Variants in KAZN observed in about 807,000 individuals in gnomAD.
KAZN encodes the protein kazrin.
Under a neutral mutation model 87.4 loss-of-function variants are expected in KAZN, and 40 were observed. The ratio of observed to expected loss-of-function variants is 0.46; its 90% confidence interval spans 0.36 to 0.60. KAZN has a LOEUF of 0.60. Ranked by LOEUF, KAZN falls within the 20% of genes least tolerant of loss-of-function variation. The pLI is 0.00. For synonymous variants in KAZN, 466 were observed against 458.3 expected (o/e 1.02, Z -0.22); for missense variants, 898 against 1,073.9 (o/e 0.84, Z 2.29).
intron 1 of KAZN, among the ~76,000 whole-genome samples, chr1:14,793,388 C>T (rs1371293541): frequency 1.3e-5 from 2 of 152,132 alleles, no homozygotes; most frequent in African/African-American, 2.4e-5. Flanking sequence ...ACTTCTGCAG[C>T]GCCTACTCCA....
intron 1 of KAZN, among the ~76,000 whole-genome samples, chr1:14,665,876 C>T (rs1216227110): frequency 9.7e-5 from 14 of 143,728 alleles, no homozygotes; most frequent in African/African-American, 3.7e-4. Context: ...CACCAGTGTC[C>T]AAGGGTGTCA....
In KAZN at chr1:14,045,688, T is replaced by G. The variant is rs116207673; in HGVS notation, c.92-134747T>G. 3.0e-3 allele frequency among the ~76,000 whole-genome samples: 456 copies of G among 152,298 alleles called. 6 individuals carry two copies. Among genetic ancestry groups the G allele is most frequent in the East Asian group, 1.4e-3 (7 of 5,180 alleles). On this transcript the variant is annotated intron_variant, in intron 1 of 16. Transcript: ENST00000636203. The stretch of plus-strand genomic sequence containing the variant: ...GACTTTGTTACTTCCTAGTTTGCAT[T>G]TCCTCAGGCAAGTTGCAAGTTGCTT...
chr1:14,827,359 C>T (rs572959516), intron 1 of KAZN, among the ~76,000 whole-genome samples: 6 of 152,242 alleles, frequency 3.9e-5, no homozygotes, highest in East Asian at 3.9e-4. Flanking sequence ...ACCCATCACC[C>T]GAGCAGTGTA....
intron 1 of KAZN, among the ~76,000 whole-genome samples, chr1:14,166,623 GTAAA>G (rs1008320173): frequency 1.2e-4 from 18 of 151,962 alleles, no homozygotes; most frequent in Non-Finnish European, 2.4e-4. Context: ...GTTACTATGA[GTAAA>G]TAAAAGTTAT....
intron 2 of KAZN, among the ~76,000 whole-genome samples, chr1:14,267,627 A>G (rs536524584): frequency 6.6e-6 from 1 of 150,964 alleles, no homozygotes; most frequent in South Asian, 2.1e-4. Flanking sequence ...GAAAACTATA[A>G]TATAACATAT....
chr1:14,675,132 C>T (rs1371647189), intron 1 of KAZN, among the ~76,000 whole-genome samples: 4 of 152,196 alleles, frequency 2.6e-5, no homozygotes, highest in African/African-American at 4.8e-5. Flanking sequence ...CACATTGGGG[C>T]AGCTGGTTTA....
intron 8 of KAZN, among the ~76,000 whole-genome samples, chr1:15,088,803 G>A (rs1369169825): frequency 1.3e-5 from 2 of 152,040 alleles, no homozygotes; most frequent in African/African-American, 4.8e-5. Flanking sequence ...GTGAATAGGG[G>A]CGGTGAATAG....
intron 11 of KAZN, 100 bp downstream of exon 11, chr1:15,101,874 C>A: frequency 1.4e-6 from 1 of 727,948 alleles, no homozygotes; most frequent in Middle Eastern, 3.5e-4. Flanking sequence ...CCCGTCTATC[C>A]ATCTGTCCAC....
At chr1:14,566,715 T>A (rs1674569703) in intron 2 of KAZN, among the ~76,000 whole-genome samples, 1 of 152,240 alleles carries the variant, frequency 6.6e-6, no homozygotes, top group Admixed American at 6.5e-5. Flanking sequence ...CACTTGCTGC[T>A]TCACCTTGAA....
chr1:15,082,138 C>T (rs1274169865), intron 8 of KAZN, among the ~76,000 whole-genome samples: 1 of 151,948 alleles, frequency 6.6e-6, no homozygotes, highest in Non-Finnish European at 1.5e-5. Context: ...AACTCTGCCT[C>T]AGTGGCAGCC....
At chr1:14,783,028 G>A (rs200756542) in intron 1 of KAZN, among the ~76,000 whole-genome samples, 1 of 152,162 alleles carries the variant, frequency 6.6e-6, no homozygotes, top group East Asian at 1.9e-4. Context: ...AGAGACTCAG[G>A]AGAGATGCCC....
intron 1 of KAZN, among the ~76,000 whole-genome samples, chr1:14,014,431 G>A (rs1640469642): frequency 6.6e-6 from 1 of 152,186 alleles, no homozygotes; most frequent in Non-Finnish European, 1.5e-5. Flanking sequence ...AGGAGAGGAT[G>A]CCTGGATACT....
At chr1:14,826,658 T>C (rs1242541261) in intron 1 of KAZN, among the ~76,000 whole-genome samples, 1 of 152,106 alleles carries the variant, frequency 6.6e-6, no homozygotes, top group African/African-American at 2.4e-5. Flanking sequence ...CTGAGACTGT[T>C]AAGTTCCTCT....
intron 1 of KAZN, among the ~76,000 whole-genome samples, chr1:14,612,694 G>A (rs1209558325): frequency 6.6e-6 from 1 of 152,116 alleles, no homozygotes; most frequent in Non-Finnish European, 1.5e-5. Context: ...GTGGGGGCGG[G>A]GGTCTGTCCT....
chr1:14,494,884 A>C (rs1280804341), intron 2 of KAZN, among the ~76,000 whole-genome samples: 1 of 152,214 alleles, frequency 6.6e-6, no homozygotes, highest in Non-Finnish European at 1.5e-5. Context: ...TGGGAGAGAT[A>C]GCCTGGGTGA....
intron 1 of KAZN, among the ~76,000 whole-genome samples, chr1:14,119,599 A>G (rs967043026): frequency 6.6e-6 from 1 of 152,196 alleles, no homozygotes; most frequent in Non-Finnish European, 1.5e-5. Context: ...ATAGCTAGTA[A>G]CAGACAAGGG....
Position 14,163,801 on chromosome 1 carries a change from A to G in KAZN, c.92-16634A>G, listed in dbSNP as rs117079126. 7.9e-5 allele frequency among the ~76,000 whole-genome samples: 12 copies of G among 152,274 alleles called. No individual in the cohort carries two copies. The East Asian group carries it at 2.3e-3, about 29-fold the overall frequency. Reference sequence around the variant, plus strand: ...TAACAGATCATCCAGCTTATTCGATATATTTTCTACTTTCTGCATCACCAC... The same window carrying G: ...TAACAGATCATCCAGCTTATTCGATGTATTTTCTACTTTCTGCATCACCAC... On this transcript the variant is annotated intron_variant, in intron 1 of 16. Coordinates refer to the KAZN transcript ENST00000636203.
At chr1:14,714,831 G>A (rs1429366016) in intron 1 of KAZN, among the ~76,000 whole-genome samples, 3 of 105,874 alleles carry the variant, frequency 2.8e-5, no homozygotes, top group African/African-American at 1.1e-4. Context: ...TTCTTGCTCT[G>A]TCGTTCAGGC....
chr1:14,634,678 G>A (rs1283893759), intron 1 of KAZN, among the ~76,000 whole-genome samples: 1 of 152,162 alleles, frequency 6.6e-6, no homozygotes, highest in African/African-American at 2.4e-5. Context: ...TTTGTTACTT[G>A]AGTTGCCTTC....
Sources: gnomAD v4.1 joint callset for allele counts (sites outside exome capture counted in the v4.1 genomes callset) on GRCh38, gnomAD v4.1.1 for gene constraint, MANE v1.5 for transcripts, NCBI Gene and HGNC (gene_info 2026-07-23, HGNC 2026-07-21) for gene names.